NUDT18: variants seen among roughly 807,000 people sequenced by gnomAD.
NUDT18 encodes 8-oxo-dGDP phosphatase NUDT18.
NUDT18 carries 26 observed loss-of-function variants against 27.6 expected under a neutral mutation model. That is an observed-to-expected ratio of 0.94 (90% CI 0.69 to 1.31). The LOEUF (loss-of-function observed/expected upper bound fraction) is 1.31. Ranked by LOEUF, NUDT18 falls within the 50% of genes most tolerant of loss-of-function variation. The pLI is 0.00. For missense variants in NUDT18, 450 were observed against 433.4 expected, an observed-to-expected ratio of 1.04 and a Z score of -0.34; for synonymous variants, 220 against 196.9, an observed-to-expected ratio of 1.12 and a Z score of -0.98.
Position 22,107,618 on chromosome 8 carries a change from G to T in NUDT18, c.654C>A (p.Ala218=). ...TCTGCTCCATAGGGTCGAGGCCACA[G>T]GCAGTGACAGGCAAGTGAGGCATCC... The part of the protein sequence containing the change: ...TVGMPHLPVT[A]CGLDPMEQRG... The change falls in exon 3 of 3, where the codon GCC becomes GCA. Residue 218 remains alanine, a synonymous_variant. Transcript: ENST00000611621. The T allele has an allele frequency of 6.2e-7, 1 of 1,613,208 alleles. No individual in the cohort carries two copies. Among genetic ancestry groups the T allele is most frequent in the South Asian group, 1.1e-5 (1 of 91,070 alleles).
Position 22,109,358 on chromosome 8 carries a change from G to C in NUDT18, c.-58C>G. 1 of 665,462 alleles carries C rather than the reference G, an allele frequency of 1.5e-6. No homozygotes were observed. Among genetic ancestry groups the C allele is most frequent in the Non-Finnish European group, 1.9e-6 (1 of 519,140 alleles). The allele number at this position is 665,462 out of a possible 1,614,324, so 41.2% of individuals were successfully genotyped here. A position where few individuals can be genotyped will look rare whatever the true frequency, so the allele number is the denominator to read the frequency against. Reference sequence around the variant, plus strand: ...CGCAGACCGACTGAGCCGAGCCGCGGGCTAGAGTGCGCTGCGGAGCCCGCT... The same window carrying C: ...CGCAGACCGACTGAGCCGAGCCGCGCGCTAGAGTGCGCTGCGGAGCCCGCT... On this transcript the variant is annotated 5_prime_UTR_variant, in exon 1 of 3. Coordinates refer to ENST00000611621, the MANE Select transcript of NUDT18 (RefSeq NM_024815.4).
Position 22,109,165 on chromosome 8 carries a change from C to G in NUDT18, c.136G>C (p.Val46Leu). The change falls in exon 1 of 3, where the codon GTG becomes CTG. Residue 46 changes from valine to leucine, a missense_variant. Physicochemically the swap from Val to Leu is conservative, Grantham distance 32. Coordinates refer to ENST00000611621, the MANE Select transcript of NUDT18 (RefSeq NM_024815.4). ...TGCTCGCTGAGGAACACGGCCAGCA[C>G]CACGTAGCACACGTTCTTCCGCAGC... is the stretch of plus-strand genomic sequence containing the variant. ...VRLRKNVCYV[V>L]LAVFLSEQDE... 1 of 1,454,538 alleles carries G rather than the reference C, an allele frequency of 6.9e-7. No individual in the cohort carries two copies. The highest frequency in any genetic ancestry group is 9.0e-7 in the Non-Finnish European group (1 of 1,114,210). The allele number at this position is 1,454,538 out of a possible 1,614,324, so 90.1% of individuals were successfully genotyped here. A position where few individuals can be genotyped will look rare whatever the true frequency, so the allele number is the denominator to read the frequency against.
rs762124338 is a variant in NUDT18, at chr8:22,107,609, G to A, written c.663C>T (p.Leu221=). ...TGCCACCCCTCTGCTCCATAGGGTC[G>A]AGGCCACAGGCAGTGACAGGCAAGT... ...MPHLPVTACG[L]DPMEQRGGMK... is the part of the protein sequence containing the mutation. Residue 221 remains leucine, a synonymous_variant, in exon 3 of 3, where the codon CTC becomes CTT. Coordinates refer to ENST00000611621, the MANE Select transcript of NUDT18 (RefSeq NM_024815.4). 6.2e-7 allele frequency: 1 copy of A among 1,613,234 alleles called. No individual in the cohort carries two copies. Among genetic ancestry groups the A allele is most frequent in the Non-Finnish European group, 8.5e-7 (1 of 1,179,860 alleles).
chr8:22,108,477 A>G (rs770690030), intron 1 of NUDT18, 131 bp from the exon 2 acceptor site: 31 of 727,778 alleles, frequency 4.3e-5, no homozygotes, highest in Non-Finnish European at 6.4e-5. Context: ...GCTCCAGGAG[A>G]CCTGCCCTCG....
intron 1 of NUDT18, among the ~76,000 whole-genome samples, chr8:22,108,628 G>A (rs1826410373): frequency 6.6e-6 from 1 of 152,340 alleles, no homozygotes; most frequent in East Asian, 1.9e-4. Flanking sequence ...GGGTCACCAT[G>A]TGTCTGTCTG....
chr8:22,108,517 C>G (rs1826408782), intron 1 of NUDT18, among the ~76,000 whole-genome samples, 171 bp from the exon 2 acceptor site: 1 of 152,240 alleles, frequency 6.6e-6, no homozygotes, highest in Admixed American at 6.5e-5. Flanking sequence ...CCTCTCCTCT[C>G]TGCAATTCGT....
At position 22,107,788 on chromosome 8, in the gene NUDT18, G is replaced by A. The variant is rs1267025794; in HGVS notation, c.484C>T (p.Leu162=). The A allele has an allele frequency of 6.2e-7, 1 of 1,613,554 alleles. No individual in the cohort carries two copies. The highest frequency in any genetic ancestry group is 8.5e-7 in the Non-Finnish European group (1 of 1,179,866). ...CGATACTGGGCGGCTAGTTCAACCA[G>A]GTGCAGGATGTCATGGGCTCGCAGC... ...TPLRAHDILH[L]VELAAQYRQQ... The change falls in exon 3 of 3, where the codon CTG becomes TTG. Residue 162 remains leucine (L), a synonymous_variant. Coordinates refer to ENST00000611621, the MANE Select transcript of NUDT18 (RefSeq NM_024815.4).
rs7844183 is a variant in NUDT18 at position 22,109,378 on chromosome 8, C to A, written c.-78G>T. On this transcript the variant is annotated 5_prime_UTR_variant, in exon 1 of 3. Coordinates refer to ENST00000611621, the MANE Select transcript of NUDT18 (RefSeq NM_024815.4). ...CCGCGGGCTAGAGTGCGCTGCGGAG[C>A]CCGCTCCCAGTCCCTGCGGCAGCGG... 5.0e-4 allele frequency: 599 copies of A among 1,192,852 alleles called. No individual in the cohort carries two copies. The highest frequency in any genetic ancestry group is 1.4e-3 in the African/African-American group (88 of 62,144). The allele number at this position is 1,192,852 out of a possible 1,614,324, so 73.9% of individuals were successfully genotyped here.
Position 22,109,150 on chromosome 8 carries a change from G to C in NUDT18, c.151C>G (p.Leu51Val). The C allele has an allele frequency of 6.9e-7, 1 of 1,442,096 alleles. No homozygotes were observed. Among genetic ancestry groups the C allele is most frequent in the Middle Eastern group, 2.5e-4 (1 of 4,044 alleles). 89.3% of individuals were successfully genotyped at this position (1,442,096 alleles called of 1,614,324 possible). The change falls in exon 1 of 3, where the codon CTC becomes GTC. Residue 51 changes from leucine to valine, a missense_variant. Physicochemically the swap from Leu to Val is conservative, Grantham distance 32. Coordinates refer to ENST00000611621, the MANE Select transcript of NUDT18 (RefSeq NM_024815.4). ...NVCYVVLAVF[L>V]SEQDEVLLIQ... ...GGGCGGCCGCTCACCTGCTCGCTGA[G>C]GAACACGGCCAGCACCACGTAGCAC... is the stretch of plus-strand genomic sequence containing the variant.
chr8:22,108,221 C>G lies in NUDT18; in HGVS notation c.288G>C (p.Ala96=). The G allele has an allele frequency of 6.3e-7, 1 of 1,597,300 alleles. No homozygotes were observed. Residue 96 remains alanine (A), a synonymous_variant, in exon 2 of 3, where the codon GCG becomes GCC. Transcript: ENST00000611621. ...GTGTCTCGGGCTCACAGTGCAGCCC[C>G]GCCTCCTCCTTCACCTCCCGCTGCA... is the stretch of plus-strand genomic sequence containing the variant. ...EALQREVKEE[A]GLHCEPETLL...
Position 22,107,180 on chromosome 8 carries a change from C to A in NUDT18, c.*120G>T. ...CATCTCTCCTGGGGACCAGGAGAGC[C>A]GCCCCTGCTCCCAATGCAACAAGAT... On this transcript the variant is annotated 3_prime_UTR_variant, in exon 3 of 3. Transcript: ENST00000611621. The A allele has an allele frequency of 1.4e-6, 1 of 721,872 alleles. No homozygotes were observed. The highest frequency in any genetic ancestry group is 2.7e-5 in the East Asian group (1 of 36,870). The allele number at this position is 721,872 out of a possible 1,614,324, so 44.7% of individuals were successfully genotyped here. A position where few individuals can be genotyped will look rare whatever the true frequency, so the allele number is the denominator to read the frequency against.
chr8:22,107,192 C>A lies in NUDT18; in HGVS notation c.*108G>T. On this transcript the variant is annotated 3_prime_UTR_variant, in exon 3 of 3. Coordinates refer to ENST00000611621, the MANE Select transcript of NUDT18 (RefSeq NM_024815.4). The stretch of plus-strand genomic sequence containing the variant: ...GGACCAGGAGAGCCGCCCCTGCTCC[C>A]AATGCAACAAGATCCCTGATCGCCA... 1.2e-6 allele frequency: 1 copy of A among 812,122 alleles called. No homozygotes were observed. The allele number at this position is 812,122 out of a possible 1,614,324, so 50.3% of individuals were successfully genotyped here. A position where few individuals can be genotyped will look rare whatever the true frequency, so the allele number is the denominator to read the frequency against.
Position 22,107,731 on chromosome 8 carries a change from G to A in NUDT18, c.541C>T (p.Gln181Ter). The change falls in exon 3 of 3, where the codon CAA (glutamine) becomes TAA (stop). Residue 181 changes from glutamine (Q) to a stop codon, truncating the protein, a stop_gained. Transcript: ENST00000611621. LOFTEE classifies it high-confidence loss of function. ...QQARHPLILP[Q>*]ELPCDLVCQR... ...CAGACCAGATCACAGGGTAGCTCTTGGGGCAGAATGAGAGGGTGCCTGGCT... is the reference window on the plus strand; with the variant it reads ...CAGACCAGATCACAGGGTAGCTCTTAGGGCAGAATGAGAGGGTGCCTGGCT... 6.2e-7 allele frequency: 1 copy of A among 1,613,620 alleles called. No homozygotes were observed.
Position 22,109,390 on chromosome 8 carries a change from C to G in NUDT18, c.-90G>C, listed in dbSNP as rs966749359. The G allele has an allele frequency of 8.1e-7, 1 of 1,233,108 alleles. No individual in the cohort carries two copies. The highest frequency in any genetic ancestry group is 1.6e-5 in the African/African-American group (1 of 62,578). 76.4% of individuals were successfully genotyped at this position (1,233,108 alleles called of 1,614,324 possible). ...GTGCGCTGCGGAGCCCGCTCCCAGT[C>G]CCTGCGGCAGCGGGCCGGGAGCTCA... On this transcript the variant is annotated 5_prime_UTR_variant, in exon 1 of 3. Coordinates refer to ENST00000611621, the MANE Select transcript of NUDT18 (RefSeq NM_024815.4).
At chr8:22,109,831 C>A (rs755876500), upstream of NUDT18, 1 of 441,160 alleles carries the variant, frequency 2.3e-6, no homozygotes, top group Admixed American at 2.5e-5. Context: ...CACACAATGG[C>A]ATTGCCGGAG....
chr8:22,108,229 C>T lies in NUDT18; in HGVS notation c.280G>A (p.Glu94Lys), dbSNP rs748854247. The T allele has an allele frequency of 1.3e-6, 2 of 1,598,098 alleles. No individual in the cohort carries two copies. The highest frequency in any genetic ancestry group is 8.5e-7 in the Non-Finnish European group (1 of 1,173,232). The change falls in exon 2 of 3, where the codon GAG becomes AAG. Residue 94 changes from glutamate to lysine, a missense_variant. By Grantham distance (56) the Glu-to-Lys change is moderately conservative (BLOSUM62 1). Transcript: ENST00000611621. ...GGCTCACAGTGCAGCCCCGCCTCCTCCTTCACCTCCCGCTGCAGCGCCTCC... is the reference window on the plus strand; with the variant it reads ...GGCTCACAGTGCAGCCCCGCCTCCTTCTTCACCTCCCGCTGCAGCGCCTCC... ...IVEALQREVKEEAGLHCEPET... is the reference protein window; with the variant it reads ...IVEALQREVKKEAGLHCEPET...
upstream of NUDT18, chr8:22,109,771 C>T (rs1010494885): frequency 1.1e-5 from 5 of 454,888 alleles, no homozygotes; most frequent in African/African-American, 8.0e-5. Flanking sequence ...GGTGACGTCA[C>T]GGAGGCCCGG....
At position 22,107,073 on chromosome 8, in the gene NUDT18, G is replaced by T; in HGVS notation, c.*227C>A. The T allele has an allele frequency of 1.9e-6, 1 of 523,626 alleles. No individual in the cohort carries two copies. The allele number at this position is 523,626 out of a possible 1,614,324, so 32.4% of individuals were successfully genotyped here. A position where few individuals can be genotyped will look rare whatever the true frequency, so the allele number is the denominator to read the frequency against. On this transcript the variant is annotated 3_prime_UTR_variant, in exon 3 of 3. Transcript: ENST00000611621. ...GGAAGAGGCGTCAGCGTGCCCTCAG[G>T]GTAGTCAGGTCCTGAGCTTTGGACT... is the stretch of plus-strand genomic sequence containing the variant.
upstream of NUDT18, chr8:22,109,563 G>C (rs1006929806): frequency 2.0e-6 from 1 of 504,692 alleles, no homozygotes; most frequent in Admixed American, 2.7e-5. Context: ...GGAACTGGGG[G>C]GGCACGGGTC....
Sources: gnomAD v4.1 joint callset for allele counts (sites outside exome capture counted in the v4.1 genomes callset) on GRCh38, gnomAD v4.1.1 for gene constraint, MANE v1.5 for transcripts, NCBI Gene and HGNC (gene_info 2026-07-23, HGNC 2026-07-21) for gene names.